The following SORCS1 variants were observed in gnomAD, a reference collection of about 807,000 sequenced individuals.
The protein encoded by SORCS1 is sortilin related VPS10 domain containing receptor 1.
A neutral mutation model predicts 146.1 loss-of-function variants in SORCS1; 60 were observed. That is an observed-to-expected ratio of 0.41 (90% CI 0.33 to 0.51). The LOEUF is 0.51. SORCS1 is among the 20% of genes least tolerant of loss of function. SORCS1 has a pLI of 0.21. For missense variants in SORCS1, 1,352 were observed against 1,487.6 expected (o/e 0.91, Z 1.50); for synonymous variants, 637 against 584.0 (o/e 1.09, Z -1.31).
intron 1 of SORCS1, among the ~76,000 whole-genome samples, chr10:106,996,607 C>T (rs1957016473): frequency 6.6e-6 from 1 of 152,282 alleles, no homozygotes; most frequent in Middle Eastern, 3.4e-3. Context: ...CCACCACTTG[C>T]CTTTCGTCGT....
intron 1 of SORCS1, among the ~76,000 whole-genome samples, chr10:107,023,997 AACCACGTCTCT>A (rs1428278291): frequency 5.3e-5 from 8 of 152,090 alleles, no homozygotes; most frequent in African/African-American, 1.9e-4. Context: ...AACATGGTGA[AACCACGTCTCT>A]ACTAAAGACA....
chr10:106,654,683 C>A (rs773551511), intron 17 of SORCS1, among the ~76,000 whole-genome samples: 15 of 152,148 alleles, frequency 9.9e-5, no homozygotes, highest in Non-Finnish European at 1.9e-4. Flanking sequence ...ACTTACCAAC[C>A]CAGCTATGCT....
intron 1 of SORCS1, among the ~76,000 whole-genome samples, chr10:107,065,445 T>TTC (rs1257852045): frequency 1.4e-5 from 2 of 145,592 alleles, no homozygotes; most frequent in East Asian, 2.0e-4. Flanking sequence ...CTTTCTTTCT[T>TTC]TCTTTTCTCT....
intron 2 of SORCS1, among the ~76,000 whole-genome samples, chr10:106,841,547 A>G (rs577853732): frequency 1.4e-4 from 22 of 152,352 alleles, no homozygotes; most frequent in African/African-American, 4.6e-4. Flanking sequence ...ACTGTAGTAT[A>G]GTATAAACAT....
At position 106,666,061 on chromosome 10, in the gene SORCS1, C is replaced by T. The variant is rs142925189; in HGVS notation, c.2303+1628G>A. Among the ~76,000 whole-genome samples, 702 of 152,176 alleles carry T rather than the reference C, an allele frequency of 4.6e-3. 14 individuals are homozygous for T. Among genetic ancestry groups the T allele is most frequent in the African/African-American group, 0.016 (680 of 41,532 alleles). On this transcript the variant is annotated intron_variant, in intron 17 of 25. Coordinates refer to ENST00000263054, the MANE Select transcript of SORCS1 (RefSeq NM_052918.5). ...TTCACCATGTTAGCCAGGATGGTCT[C>T]GATCTCCTGACCTTGTGATCCGCCC... is the stretch of plus-strand genomic sequence containing the variant.
Position 106,956,600 on chromosome 10 carries a change from T to G in SORCS1, c.559-20A>C. On this transcript the variant is annotated intron_variant, in intron 1 of 25. Transcript: ENST00000263054. ...AATCACCTGAAGGCAAAAGAAGAAA[T>G]CATGGTTAGTCTCAAACAATTACAA... The G allele has an allele frequency of 1.2e-6, 2 of 1,609,412 alleles. No homozygotes were observed. Among genetic ancestry groups the G allele is most frequent in the Non-Finnish European group, 1.7e-6 (2 of 1,175,938 alleles).
chr10:107,167,670 G>A (rs188339952), upstream of SORCS1, among the ~76,000 whole-genome samples: 811 of 152,144 alleles, frequency 5.3e-3, 2 homozygotes, highest in Non-Finnish European at 9.1e-3. Flanking sequence ...GAAAATAATA[G>A]AATTTGGTGA....
intron 1 of SORCS1, among the ~76,000 whole-genome samples, chr10:106,978,807 A>G (rs1482224769): frequency 6.6e-6 from 1 of 152,104 alleles, no homozygotes; most frequent in African/African-American, 2.4e-5. Flanking sequence ...CAAAAAAAAA[A>G]AAAAAGACTA....
intron 5 of SORCS1, among the ~76,000 whole-genome samples, chr10:106,739,138 G>A (rs1250139030): frequency 6.6e-6 from 1 of 152,112 alleles, no homozygotes; most frequent in Non-Finnish European, 1.5e-5. Flanking sequence ...GAGAGAAGAT[G>A]GAAATTCAGA....
chr10:106,699,940 T>A (rs940694191), intron 8 of SORCS1, among the ~76,000 whole-genome samples: 1 of 152,152 alleles, frequency 6.6e-6, no homozygotes, highest in African/African-American at 2.4e-5. Context: ...ACCATGCATA[T>A]TAAAGTTTGA....
At chr10:106,813,780 T>A (rs892292984) in intron 3 of SORCS1, among the ~76,000 whole-genome samples, 1 of 152,038 alleles carries the variant, frequency 6.6e-6, no homozygotes, top group African/African-American at 2.4e-5. Flanking sequence ...ACAAAAAAAA[T>A]GTTTTTAAAT....
At chr10:106,679,155 T>G in intron 12 of SORCS1, 101 bp downstream of exon 12, 1 of 741,816 alleles carries the variant, frequency 1.3e-6, no homozygotes, top group Non-Finnish European at 2.3e-6. Flanking sequence ...TCATTAGGAT[T>G]TATGTGTAGC....
chr10:106,680,620 A>G (rs796557312), intron 10 of SORCS1, among the ~76,000 whole-genome samples: 1 of 152,238 alleles, frequency 6.6e-6, no homozygotes, highest in Non-Finnish European at 1.5e-5. Context: ...TGAAATATCA[A>G]CAGTTTTCAA....
intron 19 of SORCS1, among the ~76,000 whole-genome samples, chr10:106,623,053 C>T (rs1316676946): frequency 3.3e-5 from 5 of 152,154 alleles, no homozygotes; most frequent in Admixed American, 3.3e-4. Flanking sequence ...AGGGCCTTTG[C>T]TTCTACACAC....
chr10:106,589,165 T>C (rs932315273), intron 24 of SORCS1, among the ~76,000 whole-genome samples: 2 of 152,214 alleles, frequency 1.3e-5, no homozygotes, highest in Non-Finnish European at 1.5e-5. Context: ...TGCAGTTCAT[T>C]TGCCCAGTAC....
At chr10:106,804,468 G>A (rs918164178) in intron 3 of SORCS1, among the ~76,000 whole-genome samples, 4 of 151,424 alleles carry the variant, frequency 2.6e-5, no homozygotes, top group African/African-American at 4.8e-5. Context: ...AAGAAACATC[G>A]CTTAACCACA....
rs563189146 is a variant in SORCS1 at position 106,912,793 on chromosome 10, C to T, written c.626+43720G>A. ...TCCTGGGTTCCAGTGAGTCTCCTGC[C>T]TCAGCCTCCTGAGTAGCTGGGACTA... On this transcript the variant is annotated intron_variant, in intron 2 of 25. Transcript: ENST00000263054. 2.0e-4 allele frequency among the ~76,000 whole-genome samples: 30 copies of T among 152,242 alleles called. No homozygotes were observed. In the South Asian group the frequency reaches 6.0e-3, roughly 31 times the overall value.
At chr10:106,879,680 C>T (rs541969049) in intron 2 of SORCS1, among the ~76,000 whole-genome samples, 1 of 152,328 alleles carries the variant, frequency 6.6e-6, no homozygotes, top group Non-Finnish European at 1.5e-5. Context: ...CAGCCCCTGC[C>T]ATTGCTGAAG....
intron 3 of SORCS1, among the ~76,000 whole-genome samples, chr10:106,782,387 C>T (rs1860965436): frequency 1.3e-5 from 2 of 152,172 alleles, no homozygotes; most frequent in African/African-American, 4.8e-5. Context: ...TCCCAAAACA[C>T]TCAGATTATA....
Sources: allele counts gnomAD v4.1 joint callset (sites outside exome capture counted in the v4.1 genomes callset), GRCh38; gene constraint gnomAD v4.1.1; transcripts MANE v1.5; gene names NCBI Gene and HGNC (gene_info 2026-07-23, HGNC 2026-07-21).